Variants in ADAMTS12 observed in about 807,000 individuals in gnomAD.
ADAMTS12 encodes the protein A disintegrin and metalloproteinase with thrombospondin motifs 12.
Under a neutral mutation model 167.8 loss-of-function variants are expected in ADAMTS12, and 118 were observed. That is an observed-to-expected ratio of 0.70 (90% CI 0.61 to 0.82). The LOEUF (loss-of-function observed/expected upper bound fraction) is 0.82, where lower values mean the gene tolerates loss of function less well. Among genes scored for constraint, ADAMTS12 ranks in the 40% least tolerant of loss-of-function variants. The pLI is 0.00. For missense variants in ADAMTS12, 1,916 were observed against 1,998.8 expected, an observed-to-expected ratio of 0.96 and a Z score of 0.79; for synonymous variants, 704 against 716.9, an observed-to-expected ratio of 0.98 and a Z score of 0.29.
intron 5 of ADAMTS12, among the ~76,000 whole-genome samples, chr5:33,675,999 C>T (rs1422315688): frequency 6.6e-6 from 1 of 152,158 alleles, no homozygotes; most frequent in African/African-American, 2.4e-5. Context: ...AAAACAAACC[C>T]CCATTCACAC....
At chr5:33,582,960 C>A (rs1747145763) in intron 18 of ADAMTS12, among the ~76,000 whole-genome samples, 1 of 152,202 alleles carries the variant, frequency 6.6e-6, no homozygotes, top group Non-Finnish European at 1.5e-5. Flanking sequence ...TATCCACCCT[C>A]TCAAGCTTTT....
intron 22 of ADAMTS12, among the ~76,000 whole-genome samples, chr5:33,545,198 A>G (rs1336126881): frequency 6.6e-6 from 1 of 152,222 alleles, no homozygotes; most frequent in Non-Finnish European, 1.5e-5. Flanking sequence ...AAAGTGGGCA[A>G]AGGATATGAA....
At chr5:33,638,720 T>C (rs1195657458) in intron 11 of ADAMTS12, among the ~76,000 whole-genome samples, 3 of 149,036 alleles carry the variant, frequency 2.0e-5, no homozygotes, top group Non-Finnish European at 4.6e-5. Context: ...CCAAGCTCTG[T>C]GTCCTCTGTG....
rs565528887 is a variant in ADAMTS12 at position 33,589,038 on chromosome 5, G to T, written c.2655-229C>A. ...GCTGTTGCTAAATACGCATGTTTTTGAATGAGAAAAAAATATATATGCATG... is the reference window on the plus strand; with the variant it reads ...GCTGTTGCTAAATACGCATGTTTTTTAATGAGAAAAAAATATATATGCATG... On this transcript the variant is annotated intron_variant, in intron 17 of 23. Coordinates refer to ENST00000504830, the MANE Select transcript of ADAMTS12 (RefSeq NM_030955.4). 8.9e-4 allele frequency among the ~76,000 whole-genome samples: 135 copies of T among 152,326 alleles called. 2 individuals are homozygous for T. The South Asian group carries it at 0.027, about 31-fold the overall frequency.
At chr5:33,866,323 A>G (rs1310334636) in intron 2 of ADAMTS12, among the ~76,000 whole-genome samples, 1 of 152,174 alleles carries the variant, frequency 6.6e-6, no homozygotes, top group African/African-American at 2.4e-5. Flanking sequence ...GACAAAAAAT[A>G]CAAAAATAAA....
intron 16 of ADAMTS12, among the ~76,000 whole-genome samples, chr5:33,605,318 A>T (rs896704096): frequency 6.6e-6 from 1 of 152,218 alleles, no homozygotes; most frequent in African/African-American, 2.4e-5. Flanking sequence ...CTGCTGCAAA[A>T]ACTTTGGATA....
chr5:33,877,622 G>A (rs1413088614), intron 2 of ADAMTS12, among the ~76,000 whole-genome samples: 2 of 152,194 alleles, frequency 1.3e-5, no homozygotes, highest in Admixed American at 6.5e-5. Flanking sequence ...GTTGATGGGA[G>A]AAGGGTAGTG....
intron 2 of ADAMTS12, among the ~76,000 whole-genome samples, chr5:33,817,699 C>G (rs79612082): frequency 6.6e-6 from 1 of 151,986 alleles, no homozygotes; most frequent in Non-Finnish European, 1.5e-5. Context: ...TCCAAAAACA[C>G]AGATTCTCTT....
chr5:33,648,988 T>C (rs774983697), intron 8 of ADAMTS12, 22 bp from the exon 9 acceptor site: 12 of 1,611,738 alleles, frequency 7.4e-6, no homozygotes, highest in Non-Finnish European at 1.0e-5. Context: ...TTAACAGAAA[T>C]GAGAGGAGTT....
At chr5:33,620,559 T>C (rs1032218344) in intron 14 of ADAMTS12, among the ~76,000 whole-genome samples, 1 of 152,262 alleles carries the variant, frequency 6.6e-6, no homozygotes, top group Non-Finnish European at 1.5e-5. Context: ...GTCACTTTTA[T>C]GCAGTTATGA....
At chr5:33,838,136 T>C (rs1186882791) in intron 2 of ADAMTS12, among the ~76,000 whole-genome samples, 1 of 152,178 alleles carries the variant, frequency 6.6e-6, no homozygotes, top group Non-Finnish European at 1.5e-5. Flanking sequence ...AGGTGTGGTG[T>C]ATAGCTTCCA....
At chr5:33,595,151 C>T (rs2112030815) in intron 17 of ADAMTS12, among the ~76,000 whole-genome samples, 2 of 151,998 alleles carry the variant, frequency 1.3e-5, no homozygotes, top group Admixed American at 1.3e-4. Context: ...TTATCTTTTT[C>T]CTTTCTTTTT....
intron 3 of ADAMTS12, among the ~76,000 whole-genome samples, chr5:33,687,469 C>G (rs1304921951): frequency 6.6e-6 from 1 of 152,172 alleles, no homozygotes; most frequent in Non-Finnish European, 1.5e-5. Flanking sequence ...AACATTTATA[C>G]AATAGGTTTT....
At chr5:33,703,497 A>G (rs79289219) in intron 3 of ADAMTS12, among the ~76,000 whole-genome samples, 67 of 152,298 alleles carry the variant, frequency 4.4e-4, no homozygotes, top group Middle Eastern at 3.4e-3. Context: ...ACAGATCTCC[A>G]GATCTTATTT....
intron 1 of ADAMTS12, 30 bp downstream of exon 1, chr5:33,891,698 GTT>G (rs780582603): frequency 6.2e-7 from 1 of 1,613,354 alleles, no homozygotes; most frequent in South Asian, 1.1e-5. Context: ...TACCACCACT[GTT>G]TTAAAAAGAA....
At chr5:33,809,902 G>A (rs1200591465) in intron 2 of ADAMTS12, among the ~76,000 whole-genome samples, 3 of 150,162 alleles carry the variant, frequency 2.0e-5, no homozygotes, top group Non-Finnish European at 4.4e-5. Flanking sequence ...GGTGAAAGAG[G>A]AGAGAGGGAG....
chr5:33,553,206 A>C (rs1289283486), intron 20 of ADAMTS12, among the ~76,000 whole-genome samples: 1 of 152,098 alleles, frequency 6.6e-6, no homozygotes, highest in East Asian at 1.9e-4. Flanking sequence ...ATTAAAAAGT[A>C]AAAAAATAAC....
chr5:33,735,213 C>T (rs1405141243), intron 3 of ADAMTS12, among the ~76,000 whole-genome samples: 3 of 152,244 alleles, frequency 2.0e-5, no homozygotes, highest in South Asian at 2.1e-4. Flanking sequence ...AAATAGCTCT[C>T]CAAAGTTAAA....
At chr5:33,714,409 A>C (rs988301077) in intron 3 of ADAMTS12, among the ~76,000 whole-genome samples, 23 of 152,146 alleles carry the variant, frequency 1.5e-4, no homozygotes, top group African/African-American at 5.3e-4. Flanking sequence ...CAAAAAACTA[A>C]AAATAGAACT....
Sources: allele counts gnomAD v4.1 joint callset (sites outside exome capture counted in the v4.1 genomes callset), GRCh38; gene constraint gnomAD v4.1.1; transcripts MANE v1.5; gene names NCBI Gene and HGNC (gene_info 2026-07-23, HGNC 2026-07-21).